ZNF704: variants seen among roughly 807,000 people sequenced by gnomAD.
ZNF704 encodes zinc finger protein 704, also known as glucocorticoid induced gene 1.
Under a neutral mutation model 44.7 loss-of-function variants are expected in ZNF704, and 10 were observed. The observed-to-expected ratio is 0.22, with a 90% CI of 0.14 to 0.38. The LOEUF is 0.38. Among genes scored for constraint, ZNF704 ranks in the 10% least tolerant of loss-of-function variants. ZNF704 has a pLI of 1.00. For synonymous variants in ZNF704, 211 were observed against 207.6 expected (o/e 1.02, Z -0.14); for missense variants, 390 against 545.5 (o/e 0.71, Z 2.84).
chr8:80,650,068 G>A (rs772745949), intron 7 of ZNF704, among the ~76,000 whole-genome samples: 8 of 152,166 alleles, frequency 5.3e-5, no homozygotes, highest in East Asian at 1.9e-4. Context: ...GGAGTGGACC[G>A]CCAGCAAACT....
At chr8:80,877,686 G>A (rs10957985), upstream of ZNF704, among the ~76,000 whole-genome samples, 53,473 of 152,048 alleles carry the variant, frequency 0.35, 11,082 homozygotes, top group Admixed American at 0.5. Context: ...ACATTTCATC[G>A]TTCATTCTGC....
intron 2 of ZNF704, among the ~76,000 whole-genome samples, chr8:80,802,618 G>GGCCTTTGAT (rs1410653012): frequency 6.6e-6 from 1 of 151,982 alleles, no homozygotes; most frequent in African/African-American, 2.4e-5. Flanking sequence ...ATGCAGAAAA[G>GGCCTTTGAT]GCCTTTGATA....
rs1233675782 is a variant in ZNF704 at position 80,630,156 on chromosome 8, A to G, written c.*11210T>C. On this transcript the variant is annotated 3_prime_UTR_variant, in exon 9 of 9. Coordinates refer to ENST00000327835, the MANE Select transcript of ZNF704 (RefSeq NM_001033723.3). ...AAAAATTTACTTGGATTCGATACAA[A>G]ATACATGCTACTCTTTGAAAATGCA... is the stretch of plus-strand genomic sequence containing the variant. 2 of 152,260 alleles carry G rather than the reference A, an allele frequency of 1.3e-5. No homozygotes were observed. Among genetic ancestry groups the G allele is most frequent in the African/African-American group, 4.8e-5 (2 of 41,476 alleles). The allele number at this position is 152,260 out of a possible 1,614,324, so 9.4% of individuals were successfully genotyped here. A position where few individuals can be genotyped will look rare whatever the true frequency, so the allele number is the denominator to read the frequency against.
rs1037164418 is a variant in ZNF704 at position 80,641,045 on chromosome 8, T to G, written c.*321A>C. 2.7e-5 allele frequency: 5 copies of G among 184,404 alleles called. No homozygotes were observed. Among genetic ancestry groups the G allele is most frequent in the Admixed American group, 6.0e-5 (1 of 16,754 alleles). 11.4% of individuals were successfully genotyped at this position (184,404 alleles called of 1,614,324 possible). ...TGCCTCCTTTCTAGGTAAAATGGGC[T>G]TTGTTGGTTCAATTGCTACAGAAGT... On this transcript the variant is annotated 3_prime_UTR_variant, in exon 9 of 9. Coordinates refer to ENST00000327835, the MANE Select transcript of ZNF704 (RefSeq NM_001033723.3).
At chr8:80,780,305 C>T (rs901882522) in intron 2 of ZNF704, among the ~76,000 whole-genome samples, 17 of 152,158 alleles carry the variant, frequency 1.1e-4, no homozygotes, top group African/African-American at 3.9e-4. Flanking sequence ...GAGTAGGAAA[C>T]CGTCAGAAAT....
chr8:80,736,983 G>A (rs988603816), intron 2 of ZNF704, among the ~76,000 whole-genome samples: 1 of 151,890 alleles, frequency 6.6e-6, no homozygotes, highest in Non-Finnish European at 1.5e-5. Flanking sequence ...TCCAGCCAGG[G>A]TTAAGAATTA....
At chr8:80,675,099 A>T (rs1261188328) in intron 4 of ZNF704, among the ~76,000 whole-genome samples, 1 of 152,252 alleles carries the variant, frequency 6.6e-6, no homozygotes, top group Non-Finnish European at 1.5e-5. Flanking sequence ...CTAGTAGGGG[A>T]GAGACATAAA....
In ZNF704 at chr8:80,636,680, G is replaced by A. The variant is rs1817667233; in HGVS notation, c.*4686C>T. 1 of 152,096 alleles carries A rather than the reference G, an allele frequency of 6.6e-6. No homozygotes were observed. The highest frequency in any genetic ancestry group is 1.5e-5 in the Non-Finnish European group (1 of 68,024). The allele number at this position is 152,096 out of a possible 1,614,324, so 9.4% of individuals were successfully genotyped here. A position where few individuals can be genotyped will look rare whatever the true frequency, so the allele number is the denominator to read the frequency against. On this transcript the variant is annotated 3_prime_UTR_variant, in exon 9 of 9. Transcript: ENST00000327835. ...ATTTCCAGTTGACCCGTGTGCCCAG[G>A]GCATTCTCCAAAATGATTCACATTC...
intron 1 of ZNF704, among the ~76,000 whole-genome samples, chr8:80,866,617 T>C (rs987238079): frequency 2.6e-5 from 4 of 152,192 alleles, no homozygotes; most frequent in Admixed American, 2.6e-4. Flanking sequence ...TATCAAGTCA[T>C]TGTAACAAGG....
At chr8:80,687,128 G>T in intron 4 of ZNF704, 98 bp downstream of exon 4, 3 of 947,326 alleles carry the variant, frequency 3.2e-6, no homozygotes, top group Non-Finnish European at 3.2e-6. Context: ...ACAGAAAGGG[G>T]GTGTAGGTCC....
chr8:80,732,304 T>G (rs1806594673), intron 2 of ZNF704, among the ~76,000 whole-genome samples: 1 of 152,238 alleles, frequency 6.6e-6, no homozygotes, highest in South Asian at 2.1e-4. Flanking sequence ...AATCTTTAGT[T>G]AAATCCATCA....
At chr8:80,805,293 C>A (rs1003971765) in intron 2 of ZNF704, among the ~76,000 whole-genome samples, 2 of 152,226 alleles carry the variant, frequency 1.3e-5, no homozygotes, top group South Asian at 2.1e-4. Context: ...GGAGAACAAA[C>A]TGGAGCAAGA....
At chr8:80,654,166 TTACACC>T (rs1817969823) in intron 7 of ZNF704, among the ~76,000 whole-genome samples, 7 of 151,966 alleles carry the variant, frequency 4.6e-5, no homozygotes, top group Admixed American at 1.3e-4. Flanking sequence ...GATCCCTTCC[TTACACC>T]TTATACAAAA....
intron 1 of ZNF704, among the ~76,000 whole-genome samples, chr8:80,862,027 G>C (rs1809071478): frequency 1.2e-5 from 1 of 81,902 alleles, no homozygotes; most frequent in East Asian, 3.8e-4. Context: ...TTTTGAGATA[G>C]AGTTTTACTC....
At chr8:80,696,386 T>C (rs756198778) in intron 2 of ZNF704, among the ~76,000 whole-genome samples, 8 of 152,234 alleles carry the variant, frequency 5.3e-5, no homozygotes, top group Non-Finnish European at 8.8e-5. Flanking sequence ...TTATCCAGAA[T>C]GTTTGAGACC....
At chr8:80,726,980 A>G (rs1806492408) in intron 2 of ZNF704, among the ~76,000 whole-genome samples, 1 of 152,206 alleles carries the variant, frequency 6.6e-6, no homozygotes, top group South Asian at 2.1e-4. Context: ...ACCATGTAAT[A>G]GTCATTTAAT....
intron 1 of ZNF704, among the ~76,000 whole-genome samples, chr8:80,837,526 C>T (rs1294980755): frequency 4.6e-5 from 7 of 152,104 alleles, no homozygotes; most frequent in Non-Finnish European, 2.9e-5. Context: ...TTCCATCCTC[C>T]AAGGTGAATT....
intron 3 of ZNF704, among the ~76,000 whole-genome samples, chr8:80,689,062 T>C (rs6986548): frequency 0.11 from 16,540 of 152,148 alleles, 3,039 homozygotes; most frequent in African/African-American, 0.38. Context: ...TATATAAATT[T>C]TACTTTTTTT....
At position 80,636,485 on chromosome 8, in the gene ZNF704, A is replaced by G. The variant is rs534940672; in HGVS notation, c.*4881T>C. 6.6e-6 allele frequency: 1 copy of G among 152,322 alleles called. No individual in the cohort carries two copies. The highest frequency in any genetic ancestry group is 2.4e-5 in the African/African-American group (1 of 41,572). 9.4% of individuals were successfully genotyped at this position (152,322 alleles called of 1,614,324 possible). A position where few individuals can be genotyped will look rare whatever the true frequency, so the allele number is the denominator to read the frequency against. ...TTGGTGTGCATTACTCAGTGATACA[A>G]CTGGTACCTAAAAAAAGTGCTAATC... On this transcript the variant is annotated 3_prime_UTR_variant, in exon 9 of 9. Transcript: ENST00000327835.
Sources: allele counts gnomAD v4.1 joint callset (sites outside exome capture counted in the v4.1 genomes callset), GRCh38; gene constraint gnomAD v4.1.1; transcripts MANE v1.5; gene names NCBI Gene and HGNC (gene_info 2026-07-23, HGNC 2026-07-21).